The following THAP7 variants were observed in gnomAD, a reference collection of about 807,000 sequenced individuals.
THAP7 encodes THAP domain-containing protein 7.
A neutral mutation model predicts 29.2 loss-of-function variants in THAP7; 22 were observed. That is an observed-to-expected ratio of 0.75 (90% CI 0.54 to 1.08). The LOEUF is 1.08. Ranked by LOEUF, THAP7 falls within the 50% of genes least tolerant of loss-of-function variation. The probability of loss-of-function intolerance (pLI) is 0.00; values close to 1 mark genes in which losing one functional copy is unlikely to be tolerated. For synonymous variants in THAP7, 208 were observed against 173.4 expected, an observed-to-expected ratio of 1.20 and a Z score of -1.57; for missense variants, 448 against 416.2, an observed-to-expected ratio of 1.08 and a Z score of -0.66.
chr22:21,000,500 C>G, intron 3 of THAP7, 68 bp from the exon 4 acceptor site: 1 of 1,544,606 alleles, frequency 6.5e-7, no homozygotes, highest in Non-Finnish European at 8.7e-7. Flanking sequence ...TCCACCAGCC[C>G]ACCTGATCCA....
Position 21,001,255 on chromosome 22 carries a change from C to A in THAP7, c.236+1G>T. On this transcript the variant is annotated splice_donor_variant, in intron 2 of 3. Transcript: ENST00000215742. LOFTEE classifies it high-confidence loss of function. ...CAGCGTCGGCCGGCAGGGAGGCCCA[C>A]CTGATTCCCACCAGCTCAAAGCAGT... 6.2e-7 allele frequency: 1 copy of A among 1,612,354 alleles called. No homozygotes were observed.
Position 21,000,176 on chromosome 22 carries a change from A to C in THAP7, c.634T>G (p.Ser212Ala), listed in dbSNP as rs1367833719. 1 of 1,571,328 alleles carries C rather than the reference A, an allele frequency of 6.4e-7. No homozygotes were observed. ...SPLEPRPVSPSAYMLRLPPPA... is the reference protein window; with the variant it reads ...SPLEPRPVSPAAYMLRLPPPA... ...GGGGGCAGGCGCAGCATATACGCTGAGGGGGAGACTGGCCGTGGTTCGAGA... is the reference window on the plus strand; with the variant it reads ...GGGGGCAGGCGCAGCATATACGCTGCGGGGGAGACTGGCCGTGGTTCGAGA... Residue 212 changes from serine (S) to alanine (A), a missense_variant, in exon 4 of 4, where the codon TCA becomes GCA. Ser to Ala is a moderately conservative substitution (Grantham distance 99, BLOSUM62 1). Coordinates refer to ENST00000215742, the MANE Select transcript of THAP7 (RefSeq NM_030573.3).
chr22:21,001,642 C>T, intron 1 of THAP7, 190 bp downstream of exon 1: 1 of 891,612 alleles, frequency 1.1e-6, no homozygotes, highest in Admixed American at 3.0e-5. Flanking sequence ...GGGTCCAAGC[C>T]GGCTAGACTT....
chr22:21,001,470 C>T (rs767296399), intron 1 of THAP7, 59 bp from the exon 2 acceptor site: 1 of 1,581,316 alleles, frequency 6.3e-7, no homozygotes, highest in African/African-American at 1.3e-5. Flanking sequence ...TCATGCTGCC[C>T]AAGCACCCCA....
At position 21,000,788 on chromosome 22, in the gene THAP7, C is replaced by G. The variant is rs750578316; in HGVS notation, c.237-1G>C. The G allele has an allele frequency of 6.2e-7, 1 of 1,614,162 alleles. No homozygotes were observed. The highest frequency in any genetic ancestry group is 8.5e-7 in the Non-Finnish European group (1 of 1,180,028). ...CCCCTCCTTTAGCCTGTGATATCCACTGCGGGGAAAAGCAACCCAGATGAG... is the reference window on the plus strand; with the variant it reads ...CCCCTCCTTTAGCCTGTGATATCCAGTGCGGGGAAAAGCAACCCAGATGAG... On this transcript the variant is annotated splice_acceptor_variant, in intron 2 of 3. Transcript: ENST00000215742. LOFTEE classifies it high-confidence loss of function.
rs768633961 is a variant in THAP7, at chr22:21,000,660, G to A, written c.364C>T (p.Arg122Ter). Reference protein sequence around the residue: ...PGPAEVSRLRRCRKRCSEGRG... With the variant: ...PGPAEVSRLR ...CATATCACATACCGCTTCCTGCATC[G>A]TCTGAGCCGGCTGACTTCAGCGGGG... The change falls in exon 3 of 4, where the codon CGA (arginine) becomes TGA (stop). Residue 122 changes from arginine (R) to a stop codon, truncating the protein, a stop_gained. Coordinates refer to ENST00000215742, the MANE Select transcript of THAP7 (RefSeq NM_030573.3). LOFTEE classifies it high-confidence loss of function. 8 of 1,614,122 alleles carry A rather than the reference G, an allele frequency of 5.0e-6. No individual in the cohort carries two copies. The highest frequency in any genetic ancestry group is 1.1e-5 in the South Asian group (1 of 91,086).
chr22:21,001,009 G>T, intron 2 of THAP7: 1 of 862,410 alleles, frequency 1.2e-6, no homozygotes, highest in Non-Finnish European at 1.7e-6. Flanking sequence ...CAGCCAGAAA[G>T]AATTCTTTGA....
chr22:21,000,146 C>G lies in THAP7; in HGVS notation c.664G>C (p.Ala222Pro). ...SAYMLRLPPP[A>P]GAYIQNEHSY... ...TGTTCATTCTGGATGTAGGCTCCGG[C>G]GGGTGGGGGCAGGCGCAGCATATAC... The change falls in exon 4 of 4, where the codon GCC (alanine) becomes CCC (proline). Residue 222 changes from alanine (A) to proline (P), a missense_variant. Ala to Pro is a conservative substitution (Grantham distance 27). Transcript: ENST00000215742. 1 of 1,598,500 alleles carries G rather than the reference C, an allele frequency of 6.3e-7. No homozygotes were observed. Among genetic ancestry groups the G allele is most frequent in the Non-Finnish European group, 8.5e-7 (1 of 1,173,040 alleles).
In THAP7 at chr22:21,001,993, C is replaced by T. The variant is rs1214949130; in HGVS notation, c.-82G>A. ...TCGCGCCTCCAGCCGCCGCTCCTCC[C>T]CAAGGGGCTCTGGCCTGTCGGGTCC... On this transcript the variant is annotated 5_prime_UTR_variant, in exon 1 of 4. Transcript: ENST00000215742. 4 of 1,395,960 alleles carry T rather than the reference C, an allele frequency of 2.9e-6. No individual in the cohort carries two copies. The highest frequency in any genetic ancestry group is 3.8e-6 in the Non-Finnish European group (4 of 1,039,902). The allele number at this position is 1,395,960 out of a possible 1,614,324, so 86.5% of individuals were successfully genotyped here.
Position 21,000,983 on chromosome 22 carries a change from G to A in THAP7, c.237-196C>T, listed in dbSNP as rs571761717. On this transcript the variant is annotated intron_variant, in intron 2 of 3. Coordinates refer to ENST00000215742, the MANE Select transcript of THAP7 (RefSeq NM_030573.3). ...CCAGGTGTGTGGAAAGCCTGCATAA[G>A]CCGAGCTGGGCTGACCAGCCAGAAA... The A allele has an allele frequency of 4.4e-4, 410 of 922,522 alleles. 4 individuals carry two copies. The South Asian group carries it at 6.6e-3, about 15-fold the overall frequency. The allele number at this position is 922,522 out of a possible 1,614,324, so 57.1% of individuals were successfully genotyped here.
Position 21,002,059 on chromosome 22 carries a change from C to T in THAP7, c.-148G>A, listed in dbSNP as rs1006206038. 8 of 691,312 alleles carry T rather than the reference C, an allele frequency of 1.2e-5. No individual in the cohort carries two copies. The highest frequency in any genetic ancestry group is 1.6e-5 in the Non-Finnish European group (7 of 437,356). The allele number at this position is 691,312 out of a possible 1,614,324, so 42.8% of individuals were successfully genotyped here. Reference sequence around the variant, plus strand: ...CGCCCCAACCCCGTCCCAGCCGATTCTCTTGACTTCTGTCAGCGGCACTCA... The same window carrying T: ...CGCCCCAACCCCGTCCCAGCCGATTTTCTTGACTTCTGTCAGCGGCACTCA... On this transcript the variant is annotated 5_prime_UTR_variant, in exon 1 of 4. Transcript: ENST00000215742.
chr22:20,999,951 C>T lies in THAP7; in HGVS notation c.859G>A (p.Ala287Thr), dbSNP rs1448916467. 7.4e-6 allele frequency: 12 copies of T among 1,612,508 alleles called. No homozygotes were observed. The highest frequency in any genetic ancestry group is 9.3e-6 in the Non-Finnish European group (11 of 1,179,988). ...QERAREKRAQADARQTLKEHV... is the reference protein window; with the variant it reads ...QERAREKRAQTDARQTLKEHV... ...TCCTTCAGAGTCTGGCGGGCATCTGCCTGTGCCCGCTTCTCCCGTGCCCGC... is the reference window on the plus strand; with the variant it reads ...TCCTTCAGAGTCTGGCGGGCATCTGTCTGTGCCCGCTTCTCCCGTGCCCGC... The change falls in exon 4 of 4, where the codon GCA (alanine) becomes ACA (threonine). Residue 287 changes from alanine to threonine, a missense_variant. By Grantham distance (58) the Ala-to-Thr change is moderately conservative. Transcript: ENST00000215742.
Position 21,000,793 on chromosome 22 carries a change from G to A in THAP7, c.237-6C>T, listed in dbSNP as rs1348201419. 3 of 1,614,096 alleles carry A rather than the reference G, an allele frequency of 1.9e-6. No individual in the cohort carries two copies. The highest frequency in any genetic ancestry group is 2.2e-5 in the East Asian group (1 of 44,880). On this transcript the variant is annotated splice_polypyrimidine_tract_variant and splice_region_variant and intron_variant, in intron 2 of 3. Transcript: ENST00000215742. ...CCTTTAGCCTGTGATATCCACTGCG[G>A]GGAAAAGCAACCCAGATGAGCTGGA...
In THAP7 at chr22:21,000,414, C is replaced by G. The variant is rs780457392; in HGVS notation, c.396G>C (p.Gly132=). Residue 132 remains glycine, a synonymous_variant, in exon 4 of 4, where the codon GGG becomes GGC. Coordinates refer to ENST00000215742, the MANE Select transcript of THAP7 (RefSeq NM_030573.3). ...RCRKRCSEGR[G]PTTPFSPPPP... is the part of the protein sequence containing the mutation. Reference sequence around the variant, plus strand: ...GAGGTGGAGAAAATGGAGTTGTGGGCCCTCGGCCCTCGGAGCAGCTGGTAA... The same window carrying G: ...GAGGTGGAGAAAATGGAGTTGTGGGGCCTCGGCCCTCGGAGCAGCTGGTAA... 2.3e-5 allele frequency: 35 copies of G among 1,550,536 alleles called. No individual in the cohort carries two copies. The Middle Eastern group carries it at 1.0e-3, about 45-fold the overall frequency.
chr22:21,001,219 A>T (rs1601727874), intron 2 of THAP7, 37 bp downstream of exon 2: 5 of 1,605,206 alleles, frequency 3.1e-6, no homozygotes, highest in South Asian at 1.1e-5. Context: ...CGGGAGCCCC[A>T]CATCCTACCC....
At chr22:21,001,678 TCAGTCCCGC>T in intron 1 of THAP7, 145 bp downstream of exon 1, 1 of 951,138 alleles carries the variant, frequency 1.1e-6, no homozygotes, top group South Asian at 1.8e-5. Flanking sequence ...CCGACTGCAT[TCAGTCCCGC>T]CGGGACCGTT....
chr22:21,001,818 G>A lies in THAP7; in HGVS notation c.80+14C>T. On this transcript the variant is annotated intron_variant, in intron 1 of 3. Coordinates refer to ENST00000215742, the MANE Select transcript of THAP7 (RefSeq NM_030573.3). The stretch of plus-strand genomic sequence containing the variant: ...GCGCATGCGCACGTGAGCCCGCGGC[G>A]CACGCGCGCTGACCTGTGGAAGGAG... The A allele has an allele frequency of 6.5e-7, 1 of 1,546,158 alleles. No individual in the cohort carries two copies. The highest frequency in any genetic ancestry group is 8.7e-7 in the Non-Finnish European group (1 of 1,147,302).
rs1241945006 is a variant in THAP7, at chr22:21,001,428, C to A, written c.81-17G>T. The A allele has an allele frequency of 1.2e-6, 2 of 1,612,298 alleles. No individual in the cohort carries two copies. Among genetic ancestry groups the A allele is most frequent in the African/African-American group, 2.7e-5 (2 of 75,054 alleles). ...TTGGGAAGTCTGTGGAGCCACAAAC[C>A]CGTGAGCACCAGGCTGTCCACAGCC... On this transcript the variant is annotated splice_polypyrimidine_tract_variant and intron_variant, in intron 1 of 3. Transcript: ENST00000215742.
intron 2 of THAP7, 33 bp downstream of exon 2, chr22:21,001,223 C>A: frequency 6.2e-7 from 1 of 1,607,094 alleles, no homozygotes; most frequent in Non-Finnish European, 8.5e-7. Context: ...AGCCCCACAT[C>A]CTACCCCAGC....
Sources: gnomAD v4.1 joint callset for allele counts on GRCh38, gnomAD v4.1.1 for gene constraint, MANE v1.5 for transcripts, NCBI Gene and HGNC (gene_info 2026-07-23, HGNC 2026-07-21) for gene names.